CLN6: variants seen among roughly 807,000 people sequenced by gnomAD.
The protein encoded by CLN6 is CLN6 transmembrane ER protein, also known as ceroid-lipofuscinosis neuronal protein 6.
CLN6 carries 22 observed loss-of-function variants against 33.3 expected under a neutral mutation model. That is an observed-to-expected ratio of 0.66 (90% CI 0.47 to 0.94). The LOEUF is 0.94. Ranked by LOEUF, CLN6 falls within the 40% of genes least tolerant of loss-of-function variation. The pLI, the probability that CLN6 is intolerant of heterozygous loss-of-function variation, is 0.00. For synonymous variants in CLN6, 201 were observed against 174.6 expected, an observed-to-expected ratio of 1.15 and a Z score of -1.19; for missense variants, 387 against 417.1, an observed-to-expected ratio of 0.93 and a Z score of 0.63.
intron 1 of CLN6, among the ~76,000 whole-genome samples, chr15:68,218,995 C>A (rs2093228191): frequency 6.6e-6 from 1 of 152,220 alleles, no homozygotes; most frequent in Non-Finnish European, 1.5e-5. Context: ...TGGATCATGG[C>A]AGCTGACCTT....
In CLN6 at chr15:68,211,527, T is replaced by C. The variant is rs2093205109; in HGVS notation, c.486+148A>G. 6.3e-7 allele frequency: 1 copy of C among 1,593,140 alleles called. No individual in the cohort carries two copies. Among genetic ancestry groups the C allele is most frequent in the Non-Finnish European group, 8.5e-7 (1 of 1,175,238 alleles). ...ACTTCCTAAGAACACTTGAGCATCC[T>C]AGCTTGGGGCAGGCGACAGTGCCCT... On this transcript the variant is annotated intron_variant, in intron 4 of 6. Transcript: ENST00000249806. This position sits in a 1 kb window ranked among gnomAD's most constrained non-coding sequence, Gnocchi z 5.9.
At position 68,246,398 on chromosome 15, in the gene CLN6, A is replaced by C. The variant is rs897354855; in HGVS notation, c.179+10292T>G. On this transcript the variant is annotated intron_variant, in intron 1 of 6. Transcript: ENST00000538696. This position sits in a 1 kb window ranked among gnomAD's most constrained non-coding sequence, Gnocchi z 4.5. ...CTGGCCACAATGGAATAAAACTGGA[A>C]ATCAATAACAACAGGGATCTCAGAA... Among the ~76,000 whole-genome samples, 45 of 152,328 alleles carry C rather than the reference A, an allele frequency of 3.0e-4. No homozygotes were observed. The highest frequency in any genetic ancestry group is 1.1e-3 in the African/African-American group (45 of 41,552).
chr15:68,212,137 G>A (rs2093207899), intron 3 of CLN6: 1 of 491,052 alleles, frequency 2.0e-6, no homozygotes, highest in Admixed American at 3.4e-5. Flanking sequence ...AGTCACACAT[G>A]AGCTGTAGGC....
upstream of CLN6, among the ~76,000 whole-genome samples, chr15:68,231,891 A>G (rs2093269122): frequency 1.3e-5 from 2 of 152,210 alleles, no homozygotes; most frequent in African/African-American, 4.8e-5. Context: ...CATCTTCATT[A>G]GCTCTTTAAA....
rs1373971976 is a variant in CLN6, at chr15:68,236,845, C to A, written c.180-18195G>T. ...AGCAAATAGAAATTTTAGAGCTTAA[C>A]AATTTGTTGACATTAAAACTGAATG... is the stretch of plus-strand genomic sequence containing the variant. On this transcript the variant is annotated intron_variant, in intron 1 of 6. Transcript: ENST00000538696. This position sits in a 1 kb window ranked among gnomAD's most constrained non-coding sequence, Gnocchi z 4.5. Among the ~76,000 whole-genome samples the A allele has an allele frequency of 6.6e-6, 1 of 152,176 alleles. No homozygotes were observed. Among genetic ancestry groups the A allele is most frequent in the Non-Finnish European group, 1.5e-5 (1 of 68,036 alleles).
intron 1 of CLN6, among the ~76,000 whole-genome samples, chr15:68,224,618 C>CAA (rs57397347): frequency 0.3 from 31,347 of 103,914 alleles, 4,787 homozygotes; most frequent in Non-Finnish European, 0.34. Flanking sequence ...GACTCTGTCT[C>CAA]AAAAAAAAAA....
chr15:68,241,403 G>T lies in CLN6; in HGVS notation c.179+15287C>A, dbSNP rs1892279212. ...AAGATAAATGGATTTCTACATCCAT[G>T]ACTCCCCTCCCTATAATCTGCCCAG... On this transcript the variant is annotated intron_variant, in intron 1 of 6. Transcript: ENST00000538696. The surrounding 1 kb of genome is among the most constrained non-coding windows in gnomAD (Gnocchi z 4.2). Among the ~76,000 whole-genome samples the T allele has an allele frequency of 6.6e-6, 1 of 152,160 alleles. No homozygotes were observed. Among genetic ancestry groups the T allele is most frequent in the African/African-American group, 2.4e-5 (1 of 41,434 alleles).
rs1457283249 is a variant in CLN6 at position 68,207,826 on chromosome 15, G to C, written c.*314C>G. On this transcript the variant is annotated 3_prime_UTR_variant, in exon 7 of 7. Transcript: ENST00000249806. ...GAAGAACAGACTAGCCCTGAGTAGGGAGTGTGGTCAGGTGCAGAGGAGGGC... is the reference window on the plus strand; with the variant it reads ...GAAGAACAGACTAGCCCTGAGTAGGCAGTGTGGTCAGGTGCAGAGGAGGGC... The C allele has an allele frequency of 2.3e-6, 1 of 429,402 alleles. No individual in the cohort carries two copies. The allele number at this position is 429,402 out of a possible 1,614,324, so 26.6% of individuals were successfully genotyped here.
chr15:68,209,836 G>A lies in CLN6; in HGVS notation c.543-77C>T. ...CACAACCTCTGCAACCACTCCCATG[G>A]GGTCTCATGGAGTGCCACGTCACAG... On this transcript the variant is annotated intron_variant, in intron 5 of 6. Transcript: ENST00000249806. This position sits in a 1 kb window ranked among gnomAD's most constrained non-coding sequence, Gnocchi z 4.9. The A allele has an allele frequency of 1.8e-5, 29 of 1,590,556 alleles. No individual in the cohort carries two copies. The highest frequency in any genetic ancestry group is 2.5e-5 in the Non-Finnish European group (29 of 1,164,652).
chr15:68,232,181 G>A (rs551998203), upstream of CLN6, among the ~76,000 whole-genome samples: 1,237 of 139,148 alleles, frequency 8.9e-3, 6 homozygotes, highest in African/African-American at 0.021. This position sits in a 1 kb window ranked among gnomAD's most constrained non-coding sequence, Gnocchi z 4.7. Flanking sequence ...TTTTTGAGAC[G>A]GAGTCTTGCT....
intron 1 of CLN6, among the ~76,000 whole-genome samples, chr15:68,252,207 C>T (rs1203384678): frequency 1.3e-5 from 2 of 152,132 alleles, no homozygotes; most frequent in Non-Finnish European, 2.9e-5. Context: ...CTCCCAACCT[C>T]AGGTTATCCA....
rs1010446091 is a variant in CLN6 at position 68,220,493 on chromosome 15, T to C, written c.84-1843A>G. 1.3e-5 allele frequency among the ~76,000 whole-genome samples: 2 copies of C among 152,216 alleles called. No homozygotes were observed. The highest frequency in any genetic ancestry group is 2.9e-5 in the Non-Finnish European group (2 of 68,028). ...ACTGGCCCAGTGGGACTTTTCCAAC[T>C]GCAGGTGAGGAAAAGAGCTCCTTCC... On this transcript the variant is annotated intron_variant, in intron 1 of 6. Transcript: ENST00000249806. The surrounding 1 kb of genome is among the most constrained non-coding windows in gnomAD (Gnocchi z 4.2).
At chr15:68,222,672 T>C (rs1322345292) in intron 1 of CLN6, among the ~76,000 whole-genome samples, 1 of 152,128 alleles carries the variant, frequency 6.6e-6, no homozygotes, top group African/African-American at 2.4e-5. Context: ...GATGGCAGTT[T>C]TGTCAAAAAG....
chr15:68,235,614 ATATATATATATATATATATC>A (rs1421307965), intron 1 of CLN6, among the ~76,000 whole-genome samples: 1 of 35,766 alleles, frequency 2.8e-5, no homozygotes, highest in African/African-American at 5.7e-5. Flanking sequence ...ATATATATAT[ATATATATATATATATATATC>A]GATTAATCGA....
chr15:68,208,193 A>G lies in CLN6; in HGVS notation c.883T>C (p.Tyr295His). The change falls in exon 7 of 7, where the codon TAC becomes CAC. Residue 295 changes from tyrosine to histidine, a missense_variant. Physicochemically the swap from Tyr to His is moderately conservative, Grantham distance 83. Coordinates refer to ENST00000249806, the MANE Select transcript of CLN6 (RefSeq NM_017882.3). The surrounding 1 kb of genome is among the most constrained non-coding windows in gnomAD (Gnocchi z 5.8). ...TAGAAAGCCCAGGGCTCAGGGACGT[A>G]GATGACACCCGGGTACTTCTTCCTG... is the stretch of plus-strand genomic sequence containing the variant. ...VLRKKYPGVI[Y>H]VPEPWAFYTL... is the part of the protein sequence containing the mutation. The G allele has an allele frequency of 1.2e-6, 2 of 1,612,066 alleles. No individual in the cohort carries two copies. Among genetic ancestry groups the G allele is most frequent in the Non-Finnish European group, 1.7e-6 (2 of 1,179,032 alleles).
In CLN6 at chr15:68,236,794, A is replaced by G. The variant is rs1031713537; in HGVS notation, c.180-18144T>C. On this transcript the variant is annotated intron_variant, in intron 1 of 6. Coordinates refer to the CLN6 transcript ENST00000538696. This position sits in a 1 kb window ranked among gnomAD's most constrained non-coding sequence, Gnocchi z 4.5. The stretch of plus-strand genomic sequence containing the variant: ...AAGAAAATAAGGCAAAGACCTTTGC[A>G]ATTGATCAGACATATCTGAAAAATA... Among the ~76,000 whole-genome samples the G allele has an allele frequency of 6.6e-6, 1 of 152,248 alleles. No homozygotes were observed. Among genetic ancestry groups the G allele is most frequent in the Non-Finnish European group, 1.5e-5 (1 of 68,046 alleles).
In CLN6 at chr15:68,209,723, G is replaced by C; in HGVS notation, c.579C>G (p.Phe193Leu). The part of the protein sequence containing the change: ...IPFFLILFMY[F>L]SGCFTASKAE... ...CTTTAGAGGCAGTAAAGCAGCCGCT[G>C]AAGTACATGAAGAGGATGAGGAAGA... Residue 193 changes from phenylalanine to leucine, a missense_variant, in exon 6 of 7, where the codon TTC becomes TTG. Coordinates refer to ENST00000249806, the MANE Select transcript of CLN6 (RefSeq NM_017882.3). The surrounding 1 kb of genome is among the most constrained non-coding windows in gnomAD (Gnocchi z 4.9). 6.2e-7 allele frequency: 1 copy of C among 1,613,808 alleles called. No individual in the cohort carries two copies. The highest frequency in any genetic ancestry group is 8.5e-7 in the Non-Finnish European group (1 of 1,179,952).
Position 68,208,010 on chromosome 15 carries a change from A to C in CLN6, c.*130T>G. The stretch of plus-strand genomic sequence containing the variant: ...CACACACACACACACGAATCCACGC[A>C]CACGAGGCACACCCCACTCATGCTC... On this transcript the variant is annotated 3_prime_UTR_variant, in exon 7 of 7. Transcript: ENST00000249806. The surrounding 1 kb of genome is among the most constrained non-coding windows in gnomAD (Gnocchi z 5.8). The C allele has an allele frequency of 3.2e-6, 3 of 941,626 alleles. No homozygotes were observed. In the South Asian group the frequency reaches 4.5e-5, roughly 14 times the overall value. The allele number at this position is 941,626 out of a possible 1,614,324, so 58.3% of individuals were successfully genotyped here.
intron 1 of CLN6, among the ~76,000 whole-genome samples, chr15:68,240,485 C>A (rs1401447063): frequency 2.6e-5 from 4 of 152,082 alleles, no homozygotes; most frequent in African/African-American, 9.6e-5. Context: ...CTTGTAATCC[C>A]AGCTATTTGG....
Sources: allele counts gnomAD v4.1 joint callset (sites outside exome capture counted in the v4.1 genomes callset), GRCh38; gene constraint gnomAD v4.1.1; non-coding constraint Gnocchi (gnomAD v3.1); transcripts MANE v1.5; gene names NCBI Gene and HGNC (gene_info 2026-07-23, HGNC 2026-07-21).